The following CTTNBP2 variants were observed in gnomAD, a reference collection of about 807,000 sequenced individuals.
The protein encoded by CTTNBP2 is cortactin-binding protein 2.
In CTTNBP2, 108 loss-of-function variants were observed where a neutral mutation model predicts 156.9. The ratio of observed to expected loss-of-function variants is 0.69; its 90% CI spans 0.59 to 0.81. The LOEUF (loss-of-function observed/expected upper bound fraction) is 0.81. Ranked by LOEUF, CTTNBP2 falls within the 30% of genes least tolerant of loss-of-function variation. The pLI is 0.00. For synonymous variants in CTTNBP2, 767 were observed against 751.8 expected, an observed-to-expected ratio of 1.02 and a Z score of -0.33; for missense variants, 1,924 against 2,035.4, an observed-to-expected ratio of 0.95 and a Z score of 1.05.
intron 4 of CTTNBP2, among the ~76,000 whole-genome samples, chr7:117,787,739 C>T (rs1798779418): frequency 6.6e-6 from 1 of 152,006 alleles, no homozygotes; most frequent in Non-Finnish European, 1.5e-5. Flanking sequence ...ATAAAGGTTG[C>T]CAAATAGAGT....
rs1263293974 is a variant in CTTNBP2, at chr7:117,833,072, G to C, written c.190-22083C>G. 3.3e-5 allele frequency among the ~76,000 whole-genome samples: 5 copies of C among 151,922 alleles called. No homozygotes were observed. The East Asian group carries it at 5.8e-4, about 18-fold the overall frequency. On this transcript the variant is annotated intron_variant, in intron 2 of 22. Coordinates refer to ENST00000160373, the MANE Select transcript of CTTNBP2 (RefSeq NM_033427.3). Reference sequence around the variant, plus strand: ...ATCTGGCCCATCAACCTTCTTTTATGGAACTCATACATCAAGCCACTATCT... The same window carrying C: ...ATCTGGCCCATCAACCTTCTTTTATCGAACTCATACATCAAGCCACTATCT...
chr7:117,732,284 T>C (rs1795443242), intron 16 of CTTNBP2, among the ~76,000 whole-genome samples: 1 of 152,100 alleles, frequency 6.6e-6, no homozygotes, highest in Non-Finnish European at 1.5e-5. Context: ...TTTATAAAAA[T>C]CAAATCTTTT....
chr7:117,820,234 T>G (rs1173324176), intron 2 of CTTNBP2, among the ~76,000 whole-genome samples: 1 of 152,226 alleles, frequency 6.6e-6, no homozygotes, highest in Non-Finnish European at 1.5e-5. Context: ...CACATAAAGC[T>G]GAATCCAGAA....
At chr7:117,817,357 A>ATATATATATATATATATATATATAT (rs1282725521) in intron 2 of CTTNBP2, among the ~76,000 whole-genome samples, 1 of 32,992 alleles carries the variant, frequency 3.0e-5, no homozygotes, top group Non-Finnish European at 6.6e-5. Context: ...AAAAAAAAAA[A>ATATATATATATATATATATATATAT]AAAAATATAT....
chr7:117,823,367 GA>G (rs536906259), intron 2 of CTTNBP2, among the ~76,000 whole-genome samples: 117 of 152,142 alleles, frequency 7.7e-4, no homozygotes, highest in African/African-American at 1.8e-3. Context: ...TCTTGTGGTT[GA>G]AAAAAATTGT....
intron 8 of CTTNBP2, among the ~76,000 whole-genome samples, chr7:117,776,328 G>T (rs1798096935): frequency 6.6e-6 from 1 of 151,982 alleles, no homozygotes; most frequent in Non-Finnish European, 1.5e-5. Flanking sequence ...AAATCTTCTT[G>T]ATGTTGTTGC....
At chr7:117,853,050 G>A (rs766307388) in intron 2 of CTTNBP2, among the ~76,000 whole-genome samples, 3 of 151,974 alleles carry the variant, frequency 2.0e-5, no homozygotes, top group African/African-American at 7.2e-5. Flanking sequence ...ATGAAGTGCC[G>A]GACATATAAC....
intron 3 of CTTNBP2, among the ~76,000 whole-genome samples, chr7:117,804,060 T>C (rs1465447982): frequency 6.6e-6 from 1 of 152,136 alleles, no homozygotes; most frequent in Non-Finnish European, 1.5e-5. Context: ...CCTCCTGGGT[T>C]CGAGAGATTC....
chr7:117,771,975 A>G (rs949013520), intron 8 of CTTNBP2, among the ~76,000 whole-genome samples: 2 of 152,170 alleles, frequency 1.3e-5, no homozygotes, highest in Non-Finnish European at 2.9e-5. Context: ...ATGTTTGCAC[A>G]TTGGCCGGTC....
chr7:117,736,711 CAG>C, intron 14 of CTTNBP2, among the ~76,000 whole-genome samples: 1 of 152,252 alleles, frequency 6.6e-6, no homozygotes, highest in South Asian at 2.1e-4. Context: ...ATACTTAAAA[CAG>C]TACCTGGCAT....
intron 14 of CTTNBP2, among the ~76,000 whole-genome samples, chr7:117,743,368 G>A (rs970867476): frequency 1.3e-5 from 2 of 152,114 alleles, no homozygotes; most frequent in African/African-American, 4.8e-5. Flanking sequence ...TTGGCACTAG[G>A]GCGTTTTTAA....
At chr7:117,849,150 G>C (rs1014580158) in intron 2 of CTTNBP2, among the ~76,000 whole-genome samples, 11 of 152,156 alleles carry the variant, frequency 7.2e-5, no homozygotes, top group African/African-American at 2.7e-4. Context: ...TGGCCGTCTT[G>C]CTTACTGAGC....
At chr7:117,728,021 C>T in intron 17 of CTTNBP2, 68 bp downstream of exon 17, 1 of 1,426,934 alleles carries the variant, frequency 7.0e-7, no homozygotes, top group Non-Finnish European at 9.6e-7. Context: ...TCAGCATTCT[C>T]ACCCTCAAAC....
chr7:117,793,822 G>A (rs1201753317), intron 3 of CTTNBP2, among the ~76,000 whole-genome samples: 1 of 152,160 alleles, frequency 6.6e-6, no homozygotes, highest in Non-Finnish European at 1.5e-5. Context: ...TTCTCCAGAT[G>A]GGGCTTTCTA....
intron 2 of CTTNBP2, among the ~76,000 whole-genome samples, chr7:117,856,381 A>T (rs1368924658): frequency 6.6e-6 from 1 of 152,224 alleles, no homozygotes; most frequent in African/African-American, 2.4e-5. Flanking sequence ...TTGAATGACC[A>T]CTTAGCATGG....
chr7:117,810,664 C>A, intron 3 of CTTNBP2, 101 bp downstream of exon 3: 1 of 911,702 alleles, frequency 1.1e-6, no homozygotes, highest in Non-Finnish European at 1.8e-6. Context: ...TTATTGCAAT[C>A]CTGTCTGAAA....
chr7:117,727,543 G>A (rs1236344461), intron 17 of CTTNBP2, among the ~76,000 whole-genome samples: 1 of 152,120 alleles, frequency 6.6e-6, no homozygotes, highest in Admixed American at 6.5e-5. Flanking sequence ...TTCTGCCCAT[G>A]GCACCAGAAA....
At position 117,791,693 on chromosome 7, in the gene CTTNBP2, G is replaced by C. The variant is rs774953878; in HGVS notation, c.1503C>G (p.Ser501Arg). ...GCCTTGAGGGAGCACCTGCTTGAGG[G>C]CTTGTAAATCTTGACAGTGCTTGGG... ...TVTQALSRFT[S>R]PQAGAPSRPG... Residue 501 changes from serine (S) to arginine (R), a missense_variant, in exon 4 of 23, where the codon AGC (serine) becomes AGG (arginine). Coordinates refer to ENST00000160373, the MANE Select transcript of CTTNBP2 (RefSeq NM_033427.3). 1 of 1,614,190 alleles carries C rather than the reference G, an allele frequency of 6.2e-7. No homozygotes were observed. The highest frequency in any genetic ancestry group is 8.5e-7 in the Non-Finnish European group (1 of 1,180,046).
intron 8 of CTTNBP2, among the ~76,000 whole-genome samples, chr7:117,777,069 A>C (rs1236270427): frequency 6.6e-6 from 1 of 152,184 alleles, no homozygotes; most frequent in Non-Finnish European, 1.5e-5. Flanking sequence ...GCTCCCTCTT[A>C]GATATCGGTA....
Sources: gnomAD v4.1 joint callset for allele counts (sites outside exome capture counted in the v4.1 genomes callset) on GRCh38, gnomAD v4.1.1 for gene constraint, MANE v1.5 for transcripts, NCBI Gene and HGNC (gene_info 2026-07-23, HGNC 2026-07-21) for gene names.